The following BEND7 variants were observed in gnomAD, a reference collection of about 807,000 sequenced individuals.
BEND7 encodes the protein BEN domain-containing protein 7.
In BEND7, 28 loss-of-function variants were observed where a neutral mutation model predicts 50.9. The ratio of observed to expected loss-of-function variants is 0.55; its 90% confidence interval spans 0.41 to 0.75. The LOEUF (loss-of-function observed/expected upper bound fraction) is 0.75. BEND7 is among the 30% of genes least tolerant of loss of function. BEND7 has a pLI of 0.00. For synonymous variants in BEND7, 170 were observed against 183.9 expected, an observed-to-expected ratio of 0.92 and a Z score of 0.61; for missense variants, 477 against 491.3, an observed-to-expected ratio of 0.97 and a Z score of 0.28.
intron 2 of BEND7, among the ~76,000 whole-genome samples, chr10:13,523,654 C>T (rs926822243): frequency 6.6e-6 from 1 of 152,182 alleles, no homozygotes; most frequent in African/African-American, 2.4e-5. Flanking sequence ...TATGGACAGG[C>T]TTTAGCAATT....
At chr10:13,517,362 C>T (rs1163285266) in intron 2 of BEND7, among the ~76,000 whole-genome samples, 2 of 152,028 alleles carry the variant, frequency 1.3e-5, no homozygotes, top group Admixed American at 1.3e-4. Context: ...ATGGCTGCTG[C>T]ACATGGAGGC....
chr10:13,520,859 AC>A (rs769256141), intron 2 of BEND7, among the ~76,000 whole-genome samples: 6 of 152,204 alleles, frequency 3.9e-5, no homozygotes, highest in Non-Finnish European at 7.3e-5. Context: ...CGTGAGAACG[AC>A]CAAGTTCTGC....
In BEND7 at chr10:13,497,472, G is replaced by C. The variant is rs545184850; in HGVS notation, c.449-584C>G. ...GGAGCAGGGATGGGAGGATATATTCGAATTGGATGCGTTCGAGGGTATTGG... is the reference window on the plus strand; with the variant it reads ...GGAGCAGGGATGGGAGGATATATTCCAATTGGATGCGTTCGAGGGTATTGG... On this transcript the variant is annotated intron_variant, in intron 3 of 8. Coordinates refer to ENST00000466271, the MANE Select transcript of BEND7 (RefSeq NM_001369863.1). Among the ~76,000 whole-genome samples, 3 of 152,284 alleles carry C rather than the reference G, an allele frequency of 2.0e-5. No homozygotes were observed. In the East Asian group the frequency reaches 5.8e-4, roughly 29 times the overall value.
intron 6 of BEND7, among the ~76,000 whole-genome samples, chr10:13,465,915 G>A (rs921684150): frequency 1.3e-5 from 2 of 152,028 alleles, no homozygotes; most frequent in African/African-American, 2.4e-5. Flanking sequence ...TGGCAGGGGT[G>A]GGGGGACAGA....
intron 2 of BEND7, among the ~76,000 whole-genome samples, chr10:13,504,153 G>T (rs554898555): frequency 1.3e-5 from 2 of 152,194 alleles, no homozygotes; most frequent in Non-Finnish European, 2.9e-5. Context: ...AAATAATCTG[G>T]GGACAGTGGG....
chr10:13,477,847 C>T (rs929607608), intron 6 of BEND7, among the ~76,000 whole-genome samples: 1 of 152,194 alleles, frequency 6.6e-6, no homozygotes, highest in East Asian at 1.9e-4. Flanking sequence ...TGCCTCTTCA[C>T]TCATCCCATG....
intron 6 of BEND7, among the ~76,000 whole-genome samples, chr10:13,454,781 A>G (rs1838556719): frequency 6.6e-6 from 1 of 152,176 alleles, no homozygotes; most frequent in South Asian, 2.1e-4. Flanking sequence ...GCAGACAAGG[A>G]GGCCAAGTGT....
chr10:13,454,454 ATCCATCAG>A (rs1335246556), intron 6 of BEND7, among the ~76,000 whole-genome samples: 1 of 151,508 alleles, frequency 6.6e-6, no homozygotes, highest in Non-Finnish European at 1.5e-5. Context: ...CAATCAATCA[ATCCATCAG>A]TCAATCAGTA....
intron 6 of BEND7, among the ~76,000 whole-genome samples, chr10:13,462,345 G>C (rs886205020): frequency 1.3e-5 from 2 of 152,214 alleles, no homozygotes; most frequent in African/African-American, 4.8e-5. Flanking sequence ...GCAAGCAAGA[G>C]AGCTTGTGCA....
At chr10:13,528,334 C>T (rs912325905) in intron 1 of BEND7, 139 bp downstream of exon 1, 34 of 213,604 alleles carry the variant, frequency 1.6e-4, no homozygotes, top group Non-Finnish European at 2.6e-4. Context: ...CGCGGCCCTG[C>T]CTGCCAGCCC....
At chr10:13,452,353 T>C (rs184493647) in intron 7 of BEND7, among the ~76,000 whole-genome samples, 186 bp downstream of exon 7, 1 of 152,248 alleles carries the variant, frequency 6.6e-6, no homozygotes, top group Non-Finnish European at 1.5e-5. Context: ...ATTTTTACTA[T>C]TTAGTCTGAA....
rs75372216 is a variant in BEND7 at position 13,521,628 on chromosome 10, T to C, written c.145+4510A>G. 5.4e-3 allele frequency among the ~76,000 whole-genome samples: 821 copies of C among 152,288 alleles called. 6 individuals are homozygous for C. Among genetic ancestry groups the C allele is most frequent in the African/African-American group, 0.018 (736 of 41,576 alleles). On this transcript the variant is annotated intron_variant, in intron 2 of 8. Transcript: ENST00000466271. Reference sequence around the variant, plus strand: ...GCACTTGCTTCCACATACTGGGATTTTGGGGTTCCACTTTTCCCCCTTGGC... The same window carrying C: ...GCACTTGCTTCCACATACTGGGATTCTGGGGTTCCACTTTTCCCCCTTGGC...
rs374439660 is a variant in BEND7 at position 13,516,832 on chromosome 10, T to C, written c.145+9306A>G. Reference sequence around the variant, plus strand: ...GAGATCAGGCTAGATGATAGCAGGATACATACAGGCTTTGAAGAGTTGATA... The same window carrying C: ...GAGATCAGGCTAGATGATAGCAGGACACATACAGGCTTTGAAGAGTTGATA... On this transcript the variant is annotated intron_variant, in intron 2 of 8. Transcript: ENST00000466271. Among the ~76,000 whole-genome samples, 15 of 152,232 alleles carry C rather than the reference T, an allele frequency of 9.9e-5. 1 individual carries two copies. In the East Asian group the frequency reaches 1.5e-3, roughly 16 times the overall value.
chr10:13,494,982 C>T (rs1183538203), intron 4 of BEND7, among the ~76,000 whole-genome samples: 4 of 152,158 alleles, frequency 2.6e-5, no homozygotes, highest in Non-Finnish European at 4.4e-5. Flanking sequence ...GCTTTGGAAT[C>T]GTTTACCTCC....
chr10:13,527,726 TAAA>T, intron 1 of BEND7: 20 of 523,808 alleles, frequency 3.8e-5, no homozygotes, highest in Non-Finnish European at 4.9e-5. Context: ...ATCATTTTTT[TAAA>T]AAAAAAAGTC....
At chr10:13,489,454 T>C (rs1409771232) in intron 5 of BEND7, among the ~76,000 whole-genome samples, 1 of 152,032 alleles carries the variant, frequency 6.6e-6, no homozygotes, top group Admixed American at 6.6e-5. Flanking sequence ...CAGACCTGGG[T>C]TGCGGGACAC....
intron 2 of BEND7, among the ~76,000 whole-genome samples, chr10:13,517,852 T>C (rs1321574320): frequency 6.6e-6 from 1 of 151,000 alleles, no homozygotes. Context: ...TTCAGGTTTC[T>C]GCCCTTCGCC....
At chr10:13,482,762 C>T (rs1239268424) in intron 5 of BEND7, among the ~76,000 whole-genome samples, 1 of 152,218 alleles carries the variant, frequency 6.6e-6, no homozygotes, top group Non-Finnish European at 1.5e-5. Flanking sequence ...CCCTTAACTT[C>T]TGCATCTTGC....
intron 2 of BEND7, chr10:13,500,441 A>G: frequency 1.1e-6 from 1 of 890,100 alleles, no homozygotes; most frequent in Non-Finnish European, 1.4e-6. Flanking sequence ...TGGACCGCGG[A>G]ACCCCTCTGC....
Sources: gnomAD v4.1 joint callset for allele counts (sites outside exome capture counted in the v4.1 genomes callset) on GRCh38, gnomAD v4.1.1 for gene constraint, MANE v1.5 for transcripts, NCBI Gene and HGNC (gene_info 2026-07-23, HGNC 2026-07-21) for gene names.